SLC22A8: variants seen among roughly 807,000 people sequenced by gnomAD.
SLC22A8 encodes solute carrier family 22 member 8.
A neutral mutation model predicts 48.4 loss-of-function variants in SLC22A8; 40 were observed. The ratio of observed to expected loss-of-function variants is 0.83; its 90% CI spans 0.64 to 1.08. The LOEUF is 1.08. SLC22A8 is among the 50% of genes least tolerant of loss of function. The pLI is 0.00. For missense variants in SLC22A8, 606 were observed against 699.0 expected (o/e 0.87, Z 1.50); for synonymous variants, 268 against 286.3 (o/e 0.94, Z 0.65).
rs139413909 is a variant in SLC22A8 at position 62,999,791 on chromosome 11, G to A, written c.489C>T (p.Ser163=). The change falls in exon 4 of 11, where the codon AGC becomes AGT. Residue 163 remains serine (S), a synonymous_variant. Coordinates refer to ENST00000336232, the MANE Select transcript of SLC22A8 (RefSeq NM_004254.4). Reference sequence around the variant, plus strand: ...TGGGGCTGAAGGCTGCACCGGAGCCGCTGGCTGCCAGCAGCAGGTAGCTGC... The same window carrying A: ...TGGGGCTGAAGGCTGCACCGGAGCCACTGGCTGCCAGCAGCAGGTAGCTGC... ...LTCSYLLLAA[S]GSGAAFSPTF... The A allele has an allele frequency of 1.2e-4, 198 of 1,603,876 alleles. 1 individual carries two copies. Among genetic ancestry groups the A allele is most frequent in the South Asian group, 7.5e-4 (67 of 89,506 alleles).
At chr11:62,995,631 T>C in intron 7 of SLC22A8, 73 bp downstream of exon 7, 1 of 1,095,678 alleles carries the variant, frequency 9.1e-7, no homozygotes, top group Non-Finnish European at 1.4e-6. Context: ...GGCCTTGCCC[T>C]TAAGTGAGCC....
chr11:62,997,378 C>T (rs1298578905), intron 5 of SLC22A8, among the ~76,000 whole-genome samples: 1 of 152,118 alleles, frequency 6.6e-6, no homozygotes, highest in Non-Finnish European at 1.5e-5. Context: ...GCACGCATCA[C>T]CACACCCGGC....
intron 7 of SLC22A8, 41 bp downstream of exon 7, chr11:62,995,663 C>A (rs1193792274): frequency 3.4e-6 from 5 of 1,452,376 alleles, no homozygotes; most frequent in South Asian, 3.4e-5. Flanking sequence ...TTGTCTATCA[C>A]CCCTTCCTTG....
In SLC22A8 at chr11:62,994,532, A is replaced by G; in HGVS notation, c.1216+10T>C. 6.3e-7 allele frequency: 1 copy of G among 1,586,712 alleles called. No homozygotes were observed. Among genetic ancestry groups the G allele is most frequent in the Non-Finnish European group, 8.6e-7 (1 of 1,163,696 alleles). ...TTCCAGAGGGTTCTGGGGTAGCCCC[A>G]GTCTCTCACCCAAGGGCACAAAGGT... On this transcript the variant is annotated intron_variant, in intron 8 of 10. Transcript: ENST00000336232.
At chr11:62,994,069 T>C (rs914822307) in intron 8 of SLC22A8, 191 bp from the exon 9 acceptor site, 5 of 600,954 alleles carry the variant, frequency 8.3e-6, no homozygotes, top group Non-Finnish European at 1.5e-5. Context: ...ATCCTCTATT[T>C]CCATTTATAT....
At chr11:63,010,876 C>T (rs1162409288) in intron 2 of SLC22A8, among the ~76,000 whole-genome samples, 1 of 152,158 alleles carries the variant, frequency 6.6e-6, no homozygotes, top group African/African-American at 2.4e-5. Flanking sequence ...AGAGGCTTCT[C>T]GAGGGGTTTT....
chr11:62,995,432 G>A (rs1396442191), intron 7 of SLC22A8: 2 of 516,694 alleles, frequency 3.9e-6, no homozygotes, highest in Admixed American at 3.4e-5. Flanking sequence ...CGGCAGGGAT[G>A]TGAGCTGGGG....
Position 62,993,868 on chromosome 11 carries a change from G to A in SLC22A8, c.1227C>T (p.Thr409=), listed in dbSNP as rs750734621. The A allele has an allele frequency of 5.6e-6, 9 of 1,610,090 alleles. No individual in the cohort carries two copies. The highest frequency in any genetic ancestry group is 2.7e-5 in the African/African-American group (2 of 74,854). Reference sequence around the variant, plus strand: ...CAAACACAGCCAATACTGTCCTCACGGTCTGCAAGTCTGCAGAGGGAAGAA... The same window carrying A: ...CAAACACAGCCAATACTGTCCTCACAGTCTGCAAGTCTGCAGAGGGAAGAA... ...ALTFVPLDLQ[T]VRTVLAVFGK... The change falls in exon 9 of 11, where the codon ACC becomes ACT. Residue 409 remains threonine, a synonymous_variant. Transcript: ENST00000336232.
intron 2 of SLC22A8, among the ~76,000 whole-genome samples, chr11:63,003,135 C>T (rs1218085620): frequency 6.6e-6 from 1 of 152,218 alleles, no homozygotes; most frequent in Non-Finnish European, 1.5e-5. Context: ...CATGCTCTGG[C>T]CCCTGCCTAC....
chr11:63,013,041 C>A (rs1293611796), intron 2 of SLC22A8, among the ~76,000 whole-genome samples: 1 of 152,104 alleles, frequency 6.6e-6, no homozygotes. Context: ...TGACCTCGAG[C>A]AAGCTACTTA....
At chr11:63,005,443 T>C (rs907810604) in intron 2 of SLC22A8, among the ~76,000 whole-genome samples, 1 of 152,238 alleles carries the variant, frequency 6.6e-6, no homozygotes, top group Admixed American at 6.5e-5. Flanking sequence ...GAAACTCAGA[T>C]CTGAGATCTG....
At chr11:63,003,845 C>T (rs959041924) in intron 2 of SLC22A8, among the ~76,000 whole-genome samples, 2 of 152,140 alleles carry the variant, frequency 1.3e-5, no homozygotes, top group Admixed American at 6.5e-5. Flanking sequence ...CAGTCTGGGT[C>T]CCTGAATGAC....
rs960038581 is a variant in SLC22A8 at position 63,002,211 on chromosome 11, CTT to C, written c.334-1390_334-1389del. Among the ~76,000 whole-genome samples the C allele has an allele frequency of 5.3e-5, 8 of 152,016 alleles. No individual in the cohort carries two copies. In the East Asian group the frequency reaches 9.6e-4, roughly 18 times the overall value. ...AGATGTGAGTCACCACATCCAGCCTCTTTTTTATTTTTATTTAAAAAAAATTA... is the reference window on the plus strand; with the variant it reads ...AGATGTGAGTCACCACATCCAGCCTCTTTTATTTTTATTTAAAAAAAATTA... On this transcript the variant is annotated intron_variant, in intron 2 of 10. Transcript: ENST00000336232.
intron 8 of SLC22A8, chr11:62,994,202 G>T: frequency 3.8e-6 from 2 of 520,828 alleles, no homozygotes; most frequent in Non-Finnish European, 6.9e-6. Context: ...TCATGATGGA[G>T]TAGGTTGTGG....
At position 62,993,486 on chromosome 11, in the gene SLC22A8, G is replaced by A; in HGVS notation, c.1467C>T (p.Ala489=). The change falls in exon 10 of 11, where the codon GCC becomes GCT. Residue 489 remains alanine (A), a synonymous_variant. Coordinates refer to ENST00000336232, the MANE Select transcript of SLC22A8 (RefSeq NM_004254.4). Reference sequence around the variant, plus strand: ...GATTCAGGGTCTCAGGCAGGAAGAGGGCAGCACTGCCCCCGAGGAGGGCGG... The same window carrying A: ...GATTCAGGGTCTCAGGCAGGAAGAGAGCAGCACTGCCCCCGAGGAGGGCGG... ...GITALLGGSA[A]LFLPETLNQP... 6.2e-7 allele frequency: 1 copy of A among 1,614,196 alleles called. No homozygotes were observed. The highest frequency in any genetic ancestry group is 8.5e-7 in the Non-Finnish European group (1 of 1,180,032).
At position 62,996,158 on chromosome 11, in the gene SLC22A8, G is replaced by A; in HGVS notation, c.762-6C>T. 1.3e-6 allele frequency: 2 copies of A among 1,589,872 alleles called. No individual in the cohort carries two copies. Among genetic ancestry groups the A allele is most frequent in the East Asian group, 2.2e-5 (1 of 44,614 alleles). On this transcript the variant is annotated splice_polypyrimidine_tract_variant and splice_region_variant and intron_variant, in intron 5 of 10. Coordinates refer to ENST00000336232, the MANE Select transcript of SLC22A8 (RefSeq NM_004254.4). ...GTATGGACTCTGGTGTCCACCTGGG[G>A]GCCAGAGACCAGTCACAGTGGCTCC...
At chr11:62,995,086 G>C (rs753164369) in intron 7 of SLC22A8, 18 of 401,612 alleles carry the variant, frequency 4.5e-5, no homozygotes, top group Non-Finnish European at 7.0e-5. Flanking sequence ...TTGGGCAGCA[G>C]TTTAACATCC....
chr11:62,993,867 C>T lies in SLC22A8; in HGVS notation c.1228G>A (p.Val410Met), dbSNP rs200952770. The change falls in exon 9 of 11, where the codon GTG (valine) becomes ATG (methionine). Residue 410 changes from valine (V) to methionine (M), a missense_variant. Transcript: ENST00000336232. ...CCAAACACAGCCAATACTGTCCTCA[C>T]GGTCTGCAAGTCTGCAGAGGGAAGA... ...LTFVPLDLQT[V>M]RTVLAVFGKG... The T allele has an allele frequency of 1.5e-4, 234 of 1,611,130 alleles. 1 individual carries two copies. The highest frequency in any genetic ancestry group is 3.3e-4 in the Middle Eastern group (2 of 6,076).
chr11:62,996,325 C>T (rs116413353), intron 5 of SLC22A8, among the ~76,000 whole-genome samples, 173 bp from the exon 6 acceptor site: 47 of 152,372 alleles, frequency 3.1e-4, no homozygotes, highest in African/African-American at 1.1e-3. Flanking sequence ...GGGCTGCCTG[C>T]AGCCAGCACA....
Sources: gnomAD v4.1 joint callset for allele counts (sites outside exome capture counted in the v4.1 genomes callset) on GRCh38, gnomAD v4.1.1 for gene constraint, MANE v1.5 for transcripts, NCBI Gene and HGNC (gene_info 2026-07-23, HGNC 2026-07-21) for gene names.